Variants in GABRB2 observed in about 807,000 individuals in gnomAD.
GABRB2 encodes gamma-aminobutyric acid type A receptor subunit beta2.
GABRB2 carries 16 observed loss-of-function variants against 54.7 expected under a neutral mutation model. The ratio of observed to expected loss-of-function variants is 0.29; its 90% CI spans 0.20 to 0.44. The LOEUF is 0.44. Ranked by LOEUF, GABRB2 falls within the 20% of genes least tolerant of loss-of-function variation. The probability of loss-of-function intolerance (pLI) is 1.00; values close to 1 mark genes in which losing one functional copy is unlikely to be tolerated. For missense variants in GABRB2, 355 were observed against 644.0 expected (o/e 0.55, Z 4.86); for synonymous variants, 244 against 233.8 (o/e 1.04, Z -0.40).
intron 9 of GABRB2, 32 bp from the exon 10 acceptor site, chr5:161,294,460 G>T: frequency 6.3e-7 from 1 of 1,580,098 alleles, no homozygotes. Context: ...AAGACAATCA[G>T]AACAATGAAG....
chr5:161,496,060 T>G (rs1408251813), intron 3 of GABRB2, among the ~76,000 whole-genome samples: 1 of 152,120 alleles, frequency 6.6e-6, no homozygotes, highest in Non-Finnish European at 1.5e-5. Flanking sequence ...ACATACCATC[T>G]CCGCTTTCTG....
chr5:161,371,011 G>A (rs1755115201), intron 5 of GABRB2, among the ~76,000 whole-genome samples: 3 of 152,240 alleles, frequency 2.0e-5, no homozygotes, highest in Middle Eastern at 3.4e-3. Context: ...GAGTTCTAAG[G>A]TTAGAATAAT....
At chr5:161,474,306 T>C (rs1758531653) in intron 3 of GABRB2, among the ~76,000 whole-genome samples, 2 of 151,962 alleles carry the variant, frequency 1.3e-5, no homozygotes, top group African/African-American at 2.4e-5. Flanking sequence ...ATGACATTCA[T>C]TTAGTCAGGA....
chr5:161,347,924 C>T (rs200312481), intron 5 of GABRB2, among the ~76,000 whole-genome samples: 2 of 152,046 alleles, frequency 1.3e-5, no homozygotes, highest in East Asian at 3.9e-4. Flanking sequence ...CACAGCTGGA[C>T]ATTGCTAAAG....
At chr5:161,337,371 G>A (rs1754023653) in intron 5 of GABRB2, among the ~76,000 whole-genome samples, 1 of 152,104 alleles carries the variant, frequency 6.6e-6, no homozygotes, top group African/African-American at 2.4e-5. Flanking sequence ...ATTTGACTTT[G>A]TAGCATATTT....
intron 5 of GABRB2, among the ~76,000 whole-genome samples, chr5:161,338,513 C>A (rs752555263): frequency 3.3e-5 from 5 of 152,048 alleles, no homozygotes; most frequent in Non-Finnish European, 7.4e-5. Context: ...CAGGGCCAGG[C>A]ACAGTGGCTC....
intron 3 of GABRB2, among the ~76,000 whole-genome samples, chr5:161,478,048 G>T (rs554744317): frequency 6.6e-6 from 1 of 152,024 alleles, no homozygotes; most frequent in East Asian, 1.9e-4. Context: ...TAGTTATTTA[G>T]CAAACTTTTC....
rs1439654031 is a variant in GABRB2, at chr5:161,292,048, C to G, written c.*2033G>C. 2 of 152,080 alleles carry G rather than the reference C, an allele frequency of 1.3e-5. No individual in the cohort carries two copies. The highest frequency in any genetic ancestry group is 4.8e-5 in the African/African-American group (2 of 41,406). The allele number at this position is 152,080 out of a possible 1,614,324, so 9.4% of individuals were successfully genotyped here. A position where few individuals can be genotyped will look rare whatever the true frequency, so the allele number is the denominator to read the frequency against. Reference sequence around the variant, plus strand: ...TGCCCAAAGATGATACTCAGAGGTGCTCAAGATTATGTAATCAAAATATAA... The same window carrying G: ...TGCCCAAAGATGATACTCAGAGGTGGTCAAGATTATGTAATCAAAATATAA... On this transcript the variant is annotated 3_prime_UTR_variant, in exon 10 of 10. Coordinates refer to ENST00000393959, the MANE Select transcript of GABRB2 (RefSeq NM_001371727.1).
chr5:161,297,445 CT>C (rs1467180268), intron 9 of GABRB2, among the ~76,000 whole-genome samples: 1 of 152,108 alleles, frequency 6.6e-6, no homozygotes, highest in African/African-American at 2.4e-5. Context: ...CCCCCACCCC[CT>C]GACAGGCCTT....
chr5:161,394,138 T>C (rs1443643128), intron 5 of GABRB2, among the ~76,000 whole-genome samples: 2 of 151,934 alleles, frequency 1.3e-5, no homozygotes, highest in South Asian at 2.1e-4. Context: ...AAAATGAAAT[T>C]ACTAAACTGA....
At chr5:161,339,825 T>A (rs971256733) in intron 5 of GABRB2, among the ~76,000 whole-genome samples, 4 of 152,032 alleles carry the variant, frequency 2.6e-5, no homozygotes. Context: ...AAATCACACG[T>A]CTGGCAAATG....
chr5:161,490,573 G>C (rs1027627569), intron 3 of GABRB2, among the ~76,000 whole-genome samples: 7 of 151,612 alleles, frequency 4.6e-5, no homozygotes, highest in African/African-American at 1.7e-4. Context: ...GTGCTCATAA[G>C]CATCCAGAAT....
At chr5:161,463,201 G>A (rs1428545713) in intron 3 of GABRB2, among the ~76,000 whole-genome samples, 1 of 151,748 alleles carries the variant, frequency 6.6e-6, no homozygotes, top group Admixed American at 6.6e-5. Flanking sequence ...ACTATGCAAA[G>A]TAGAAAGACT....
intron 7 of GABRB2, among the ~76,000 whole-genome samples, chr5:161,331,970 C>T (rs1486981878): frequency 6.6e-6 from 1 of 151,740 alleles, no homozygotes; most frequent in African/African-American, 2.4e-5. Context: ...TCGAGACCAT[C>T]CTGGCTAACA....
At chr5:161,443,285 A>G (rs377123702) in intron 4 of GABRB2, among the ~76,000 whole-genome samples, 1 of 152,242 alleles carries the variant, frequency 6.6e-6, no homozygotes, top group Admixed American at 6.5e-5. Flanking sequence ...TTGTCACTGA[A>G]CAATAATAAT....
intron 5 of GABRB2, among the ~76,000 whole-genome samples, chr5:161,410,085 C>T (rs905723114): frequency 6.6e-6 from 1 of 152,106 alleles, no homozygotes; most frequent in Non-Finnish European, 1.5e-5. Flanking sequence ...AGAGTACCCT[C>T]ACAACAGTCC....
At position 161,391,307 on chromosome 5, in the gene GABRB2, T is replaced by C. The variant is rs374442946; in HGVS notation, c.541+19668A>G. On this transcript the variant is annotated intron_variant, in intron 5 of 9. Transcript: ENST00000393959. ...CTTTGTTAAGCAGGAGCATATGTTT[T>C]AAAATGGCAAACTATGTCCCCCTCT... 1.7e-3 allele frequency among the ~76,000 whole-genome samples: 260 copies of C among 152,306 alleles called. 7 individuals carry two copies. The South Asian group carries it at 0.051, about 30-fold the overall frequency.
chr5:161,420,537 C>T (rs999667329), intron 4 of GABRB2, among the ~76,000 whole-genome samples: 1 of 152,078 alleles, frequency 6.6e-6, no homozygotes, highest in African/African-American at 2.4e-5. Context: ...CTTGGAGGAG[C>T]GGGAGACCAG....
intron 5 of GABRB2, among the ~76,000 whole-genome samples, chr5:161,341,519 C>T (rs554183415): frequency 2.0e-5 from 3 of 151,664 alleles, no homozygotes; most frequent in African/African-American, 7.2e-5. Context: ...TGGCATTCAC[C>T]TGAAGAAATT....
Sources: gnomAD v4.1 joint callset for allele counts (sites outside exome capture counted in the v4.1 genomes callset) on GRCh38, gnomAD v4.1.1 for gene constraint, MANE v1.5 for transcripts, NCBI Gene and HGNC (gene_info 2026-07-23, HGNC 2026-07-21) for gene names.